ADGRG6: variants seen among roughly 807,000 people sequenced by gnomAD.
ADGRG6 encodes the protein adhesion G protein-coupled receptor G6.
A neutral mutation model predicts 142.4 loss-of-function variants in ADGRG6; 84 were observed. The observed-to-expected ratio is 0.59, with a 90% CI of 0.49 to 0.71. The LOEUF is 0.71. Ranked by LOEUF, ADGRG6 falls within the 30% of genes least tolerant of loss-of-function variation. ADGRG6 has a pLI of 0.00. For synonymous variants in ADGRG6, 521 were observed against 520.5 expected (o/e 1.00, Z -0.01); for missense variants, 1,367 against 1,466.6 (o/e 0.93, Z 1.11).
chr6:142,353,753 C>T (rs944136304), intron 2 of ADGRG6, among the ~76,000 whole-genome samples: 1 of 152,164 alleles, frequency 6.6e-6, no homozygotes, highest in Non-Finnish European at 1.5e-5. Context: ...ATAGCTTTTA[C>T]ATCACTAAAA....
At chr6:142,319,845 G>A (rs1778428354) in intron 2 of ADGRG6, among the ~76,000 whole-genome samples, 1 of 151,996 alleles carries the variant, frequency 6.6e-6, no homozygotes, top group South Asian at 2.1e-4. Flanking sequence ...GGAACTTTGG[G>A]CTAATTTAAG....
At chr6:142,308,878 G>C (rs920990004) in intron 1 of ADGRG6, among the ~76,000 whole-genome samples, 1 of 151,750 alleles carries the variant, frequency 6.6e-6, no homozygotes, top group Non-Finnish European at 1.5e-5. Flanking sequence ...AAATGAGTAA[G>C]TCATGCAGAA....
chr6:142,318,036 A>C lies in ADGRG6; in HGVS notation c.103+8392A>C, dbSNP rs1484730291. On this transcript the variant is annotated intron_variant, in intron 2 of 24. Transcript: ENST00000367609. ...TTATGTTATATATATTATATATAATATATATTTATGTTATATATATTTATA... is the reference window on the plus strand; with the variant it reads ...TTATGTTATATATATTATATATAATCTATATTTATGTTATATATATTTATA... 6.8e-3 allele frequency among the ~76,000 whole-genome samples: 287 copies of C among 42,190 alleles called. 14 individuals are homozygous for C. The highest frequency in any genetic ancestry group is 0.051 in the East Asian group (51 of 1,008). 27.7% of individuals were successfully genotyped at this position (42,190 alleles called of 152,430 possible). A position where few individuals can be genotyped will look rare whatever the true frequency, so the allele number is the denominator to read the frequency against.
rs1777547391 is a variant in ADGRG6 at position 142,437,610 on chromosome 6, G to A, written c.3421+75G>A. ...TGTCATTCAGTCTTTCATTGTCAGA[G>A]CAACCCAGTCCCAGTGGTAGCAAGC... On this transcript the variant is annotated intron_variant, in intron 23 of 24. Transcript: ENST00000367609. The A allele has an allele frequency of 9.0e-6, 7 of 777,708 alleles. No homozygotes were observed. The South Asian group carries it at 9.7e-5, about 11-fold the overall frequency. The allele number at this position is 777,708 out of a possible 1,614,324, so 48.2% of individuals were successfully genotyped here.
intron 2 of ADGRG6, among the ~76,000 whole-genome samples, chr6:142,333,976 C>G (rs1252705562): frequency 6.6e-6 from 1 of 152,098 alleles, no homozygotes; most frequent in Non-Finnish European, 1.5e-5. Flanking sequence ...TGAATAAAAT[C>G]TTTTACCAGG....
intron 2 of ADGRG6, among the ~76,000 whole-genome samples, chr6:142,315,698 G>C (rs949319247): frequency 1.1e-4 from 17 of 152,084 alleles, no homozygotes; most frequent in African/African-American, 3.4e-4. Context: ...TGGTGTGGTG[G>C]TGCGCGCCTG....
chr6:142,303,020 C>T (rs899003724), intron 1 of ADGRG6, among the ~76,000 whole-genome samples: 5 of 152,114 alleles, frequency 3.3e-5, no homozygotes, highest in Non-Finnish European at 5.9e-5. Flanking sequence ...GGTGAGGTGG[C>T]GCACAGCGAC....
chr6:142,340,275 G>A (rs184515044), intron 2 of ADGRG6, among the ~76,000 whole-genome samples: 1 of 152,162 alleles, frequency 6.6e-6, no homozygotes, highest in Non-Finnish European at 1.5e-5. Context: ...AAGAATAAAT[G>A]TCCATTTATA....
chr6:142,338,334 T>G (rs1779451180), intron 2 of ADGRG6, among the ~76,000 whole-genome samples: 1 of 151,926 alleles, frequency 6.6e-6, no homozygotes, highest in Admixed American at 6.6e-5. Flanking sequence ...GATAGTGTAT[T>G]GAAATTAAGG....
chr6:142,410,189 A>G (rs536007226), intron 17 of ADGRG6, among the ~76,000 whole-genome samples: 5 of 152,206 alleles, frequency 3.3e-5, no homozygotes, highest in South Asian at 4.1e-4. Context: ...TCAGTTATTT[A>G]TAAAATACAG....
At chr6:142,368,842 A>G (rs1302816088) in intron 3 of ADGRG6, among the ~76,000 whole-genome samples, 1 of 152,186 alleles carries the variant, frequency 6.6e-6, no homozygotes, top group Non-Finnish European at 1.5e-5. Flanking sequence ...AAACAAAAAA[A>G]GCAAATTAGA....
intron 22 of ADGRG6, among the ~76,000 whole-genome samples, chr6:142,437,080 G>T (rs552595571): frequency 6.6e-6 from 1 of 152,266 alleles, no homozygotes; most frequent in South Asian, 2.1e-4. Context: ...AATATGTATG[G>T]AAAGTTTTAA....
At chr6:142,302,655 G>A (rs1777286202) in intron 1 of ADGRG6, 2 of 374,364 alleles carry the variant, frequency 5.3e-6, no homozygotes, top group Admixed American at 4.4e-5. Flanking sequence ...AATTAAACAA[G>A]GAGTAACAGG....
At chr6:142,377,783 G>A (rs1013605312) in intron 4 of ADGRG6, among the ~76,000 whole-genome samples, 1 of 152,056 alleles carries the variant, frequency 6.6e-6, no homozygotes, top group African/African-American at 2.4e-5. Flanking sequence ...AAATGGAACT[G>A]GGTAGAAATA....
intron 2 of ADGRG6, among the ~76,000 whole-genome samples, chr6:142,313,350 T>C (rs1260187868): frequency 6.6e-6 from 1 of 151,958 alleles, no homozygotes; most frequent in East Asian, 1.9e-4. Flanking sequence ...ACTCTGAAGA[T>C]GAATGATGAT....
chr6:142,370,936 A>C (rs1208300251), intron 4 of ADGRG6, 143 bp downstream of exon 4: 2 of 867,498 alleles, frequency 2.3e-6, no homozygotes, highest in Non-Finnish European at 3.5e-6. Context: ...GTTGTCATTA[A>C]AAAGCTCTTT....
intron 2 of ADGRG6, among the ~76,000 whole-genome samples, chr6:142,338,027 T>TTTGTTTTTTTTTG (rs1554234627): frequency 3.4e-5 from 2 of 58,002 alleles, no homozygotes; most frequent in African/African-American, 5.6e-5. Flanking sequence ...GTTTTTTTTT[T>TTTGTTTTTTTTTG]TTTTTTTTTT....
chr6:142,317,116 C>G (rs1251559402), intron 2 of ADGRG6, among the ~76,000 whole-genome samples: 1 of 152,096 alleles, frequency 6.6e-6, no homozygotes, highest in Non-Finnish European at 1.5e-5. Context: ...TAAGTTGATA[C>G]AGGACATTTT....
At chr6:142,437,893 T>TAA (rs34175866) in intron 23 of ADGRG6, among the ~76,000 whole-genome samples, 4,287 of 140,434 alleles carry the variant, frequency 0.031, 199 homozygotes, top group African/African-American at 0.1. Flanking sequence ...TTCTCAGTAT[T>TAA]AAAAAAAAAA....
Sources: gnomAD v4.1 joint callset for allele counts (sites outside exome capture counted in the v4.1 genomes callset) on GRCh38, gnomAD v4.1.1 for gene constraint, MANE v1.5 for transcripts, NCBI Gene and HGNC (gene_info 2026-07-23, HGNC 2026-07-21) for gene names.